The following TSPEAR variants were observed in gnomAD, a reference collection of about 807,000 sequenced individuals.
The protein encoded by TSPEAR is thrombospondin type laminin G domain and EAR repeats, also known as thrombospondin-type laminin G domain and EAR repeat-containing protein.
A neutral mutation model predicts 71.6 loss-of-function variants in TSPEAR; 69 were observed. That is an observed-to-expected ratio of 0.96 (90% CI 0.79 to 1.18). The LOEUF (loss-of-function observed/expected upper bound fraction) is 1.18, where lower values mean the gene tolerates loss of function less well. TSPEAR is among the 50% of genes most tolerant of loss of function. TSPEAR has a pLI of 0.00. For missense variants in TSPEAR, 971 were observed against 894.9 expected (o/e 1.09, Z -1.09); for synonymous variants, 402 against 387.2 (o/e 1.04, Z -0.45).
chr21:44,627,926 C>CT (rs782604887), intron 1 of TSPEAR: 7 of 1,518,956 alleles, frequency 4.6e-6, no homozygotes, highest in Middle Eastern at 1.7e-4. Context: ...TCCTGCTGTG[C>CT]CCCCACCTCC....
Position 44,627,188 on chromosome 21 carries a change from T to C in TSPEAR, c.83-59183A>G, listed in dbSNP as rs200504844. On this transcript the variant is annotated intron_variant, in intron 1 of 11. Transcript: ENST00000323084. ...CACCCCAGCATGGCCGCGTCCACCA[T>C]GTCCATCCGCTCCAGCGCTTACTCC... The C allele has an allele frequency of 6.2e-4, 994 of 1,612,714 alleles. 3 individuals carry two copies. The highest frequency in any genetic ancestry group is 1.7e-3 in the Middle Eastern group (9 of 5,242).
At chr21:44,677,258 A>G in intron 1 of TSPEAR, 2 of 727,668 alleles carry the variant, frequency 2.7e-6, no homozygotes, top group East Asian at 2.5e-5. Context: ...TGGCAGCTTC[A>G]TCTACTGCCT....
At chr21:44,638,209 G>T in intron 1 of TSPEAR, 1 of 1,573,640 alleles carries the variant, frequency 6.4e-7, no homozygotes, top group Non-Finnish European at 8.6e-7. Flanking sequence ...CTTCCCACCA[G>T]GGGCTGACCT....
intron 1 of TSPEAR, among the ~76,000 whole-genome samples, chr21:44,701,023 C>A (rs180989154): frequency 6.6e-6 from 1 of 152,290 alleles, no homozygotes; most frequent in South Asian, 2.1e-4. Context: ...ACCCCCCAGA[C>A]AATGTCCCTA....
In TSPEAR at chr21:44,626,987, C is replaced by G. The variant is rs1358697424; in HGVS notation, c.83-58982G>C. The G allele has an allele frequency of 4.3e-6, 4 of 934,602 alleles. No individual in the cohort carries two copies. The East Asian group carries it at 1.0e-4, about 24-fold the overall frequency. The allele number at this position is 934,602 out of a possible 1,614,324, so 57.9% of individuals were successfully genotyped here. A position where few individuals can be genotyped will look rare whatever the true frequency, so the allele number is the denominator to read the frequency against. On this transcript the variant is annotated intron_variant, in intron 1 of 11. Coordinates refer to ENST00000323084, the MANE Select transcript of TSPEAR (RefSeq NM_144991.3). ...CAATGTCACCAGCAAACAAACATCC[C>G]TAATCATGGCAGACGCCGCCTCTCA...
Position 44,595,492 on chromosome 21 carries a change from G to C in TSPEAR, c.83-27487C>G, listed in dbSNP as rs587609138. Among the ~76,000 whole-genome samples, 229 of 152,280 alleles carry C rather than the reference G, an allele frequency of 1.5e-3. 2 individuals carry two copies. Among genetic ancestry groups the C allele is most frequent in the Non-Finnish European group, 2.5e-3 (170 of 68,014 alleles). ...TCTATATAGTTGATTTATCAACACT[G>C]AGCCCCAGCCAACAGCCCTACAGAG... On this transcript the variant is annotated intron_variant, in intron 1 of 11. Transcript: ENST00000323084.
At chr21:44,670,544 C>T (rs1446939090) in intron 1 of TSPEAR, among the ~76,000 whole-genome samples, 1 of 152,152 alleles carries the variant, frequency 6.6e-6, no homozygotes, top group Non-Finnish European at 1.5e-5. Flanking sequence ...CTCCCCAGTC[C>T]AGGGAAATGG....
intron 1 of TSPEAR, among the ~76,000 whole-genome samples, chr21:44,582,297 C>T (rs1486148669): frequency 6.6e-6 from 1 of 152,322 alleles, no homozygotes; most frequent in South Asian, 2.1e-4. Flanking sequence ...GGCAGTGAAC[C>T]TGACAACCGC....
At chr21:44,552,315 C>A (rs1076847) in intron 2 of TSPEAR, among the ~76,000 whole-genome samples, 1 of 152,034 alleles carries the variant, frequency 6.6e-6, no homozygotes, top group Middle Eastern at 3.4e-3. Context: ...GCCCTGACCC[C>A]GGGGCAGGGA....
At chr21:44,670,703 G>A (rs904218958) in intron 1 of TSPEAR, among the ~76,000 whole-genome samples, 1 of 152,148 alleles carries the variant, frequency 6.6e-6, no homozygotes, top group Non-Finnish European at 1.5e-5. Flanking sequence ...TTGCTCCAGA[G>A]AAAGAGCCCA....
rs1555917755 is a variant in TSPEAR at position 44,546,398 on chromosome 21, G to A, written c.304-12475C>T. Among the ~76,000 whole-genome samples, 3 of 152,148 alleles carry A rather than the reference G, an allele frequency of 2.0e-5. No individual in the cohort carries two copies. The highest frequency in any genetic ancestry group is 4.8e-5 in the African/African-American group (2 of 41,436). On this transcript the variant is annotated intron_variant, in intron 2 of 11. Transcript: ENST00000323084. This position sits in a 1 kb window ranked among gnomAD's most constrained non-coding sequence, Gnocchi z 4.4. Reference sequence around the variant, plus strand: ...TGCCCAGGCTGGAGTGCAGTGGTGCGATCTCTGCTCACTGCAAGCTCCGCC... The same window carrying A: ...TGCCCAGGCTGGAGTGCAGTGGTGCAATCTCTGCTCACTGCAAGCTCCGCC...
chr21:44,542,754 A>AG (rs1555917339), intron 2 of TSPEAR, among the ~76,000 whole-genome samples: 2 of 150,424 alleles, frequency 1.3e-5, no homozygotes, highest in Non-Finnish European at 1.5e-5. Flanking sequence ...AAAAAAAAAA[A>AG]AAAAGAAAAA....
chr21:44,540,418 C>G (rs1555917100), intron 2 of TSPEAR, among the ~76,000 whole-genome samples: 1 of 152,156 alleles, frequency 6.6e-6, no homozygotes, highest in African/African-American at 2.4e-5. Flanking sequence ...TAGCCTGTCC[C>G]ATGTGGATCC....
chr21:44,697,202 A>G (rs1448682991), intron 1 of TSPEAR: 2 of 1,612,692 alleles, frequency 1.2e-6, no homozygotes, highest in East Asian at 2.2e-5. Flanking sequence ...TGCATCCACC[A>G]TGTCCGTCTG....
chr21:44,533,654 G>A (rs1555915973), intron 3 of TSPEAR, 31 bp downstream of exon 3: 2 of 1,560,246 alleles, frequency 1.3e-6, no homozygotes, highest in Non-Finnish European at 1.8e-6. Flanking sequence ...TCTGAGGACT[G>A]CAGGTGCACC....
intron 1 of TSPEAR, among the ~76,000 whole-genome samples, chr21:44,582,926 G>A (rs1393062214): frequency 6.6e-6 from 1 of 152,002 alleles, no homozygotes; most frequent in Non-Finnish European, 1.5e-5. Flanking sequence ...GGGTTCAAGC[G>A]ATTCTCCTCC....
Position 44,687,566 on chromosome 21 carries a change from C to A in TSPEAR, c.82+23867G>T, listed in dbSNP as rs1986917637. On this transcript the variant is annotated intron_variant, in intron 1 of 11. Transcript: ENST00000323084. The surrounding 1 kb of genome is among the most constrained non-coding windows in gnomAD (Gnocchi z 4.4). ...CTGTATGACTCCATCTGAATGAGTT[C>A]TAAAACAAGGAGAACCAATTCATGC... 6.6e-6 allele frequency among the ~76,000 whole-genome samples: 1 copy of A among 152,154 alleles called. No homozygotes were observed. The highest frequency in any genetic ancestry group is 2.4e-5 in the African/African-American group (1 of 41,430).
At chr21:44,639,714 A>C (rs1281952836) in intron 1 of TSPEAR, among the ~76,000 whole-genome samples, 2 of 152,182 alleles carry the variant, frequency 1.3e-5, no homozygotes. Context: ...TCTGAGCCCC[A>C]CATCACTGTG....
rs181421890 is a variant in TSPEAR, at chr21:44,579,043, C to T, written c.83-11038G>A. Among the ~76,000 whole-genome samples the T allele has an allele frequency of 8.1e-4, 124 of 152,338 alleles. No homozygotes were observed. In the East Asian group the frequency reaches 0.01, roughly 13 times the overall value. On this transcript the variant is annotated intron_variant, in intron 1 of 11. Transcript: ENST00000323084. ...GGTGCAGCAGCCCCTCCCTCTCCCC[C>T]CGCATTGCTGCTAAGCGGGCAGAAC... is the stretch of plus-strand genomic sequence containing the variant.
Sources: allele counts gnomAD v4.1 joint callset (sites outside exome capture counted in the v4.1 genomes callset), GRCh38; gene constraint gnomAD v4.1.1; non-coding constraint Gnocchi (gnomAD v3.1); transcripts MANE v1.5; gene names NCBI Gene and HGNC (gene_info 2026-07-23, HGNC 2026-07-21).